TRDN: variants seen among roughly 807,000 people sequenced by gnomAD.
TRDN encodes triadin in skeletal muscle.
A neutral mutation model predicts 149.7 loss-of-function variants in TRDN; 161 were observed. That is an observed-to-expected ratio of 1.08 (90% CI 0.95 to 1.23). The LOEUF (loss-of-function observed/expected upper bound fraction) is 1.23. Among genes scored for constraint, TRDN ranks in the 50% most tolerant of loss-of-function variants. The pLI, the probability that TRDN is intolerant of heterozygous loss-of-function variation, is 0.00. For missense variants in TRDN, 896 were observed against 823.5 expected (o/e 1.09, Z -1.08); for synonymous variants, 294 against 250.5 (o/e 1.17, Z -1.64).
chr6:123,316,904 A>G (rs1779045596), intron 23 of TRDN, among the ~76,000 whole-genome samples: 2 of 151,778 alleles, frequency 1.3e-5, no homozygotes, highest in South Asian at 4.1e-4. Context: ...TGACTACCAT[A>G]CATTTAATTC....
chr6:123,636,546 T>C lies in TRDN; in HGVS notation c.22+208A>G, dbSNP rs146588341. On this transcript the variant is annotated intron_variant, in intron 1 of 40. Coordinates refer to ENST00000334268, the MANE Select transcript of TRDN (RefSeq NM_006073.4). ...CAGAGAACAGTTTCCACATGCAAAA[T>C]TTAAGAGAAATCTCTTTTTGCTCCC... Among the ~76,000 whole-genome samples the C allele has an allele frequency of 8.2e-4, 125 of 151,986 alleles. 1 individual carries two copies. Among genetic ancestry groups the C allele is most frequent in the African/African-American group, 2.8e-3 (118 of 41,510 alleles).
At chr6:123,432,739 C>T (rs1415756829) in intron 12 of TRDN, among the ~76,000 whole-genome samples, 3 of 148,608 alleles carry the variant, frequency 2.0e-5, no homozygotes, top group African/African-American at 7.8e-5. Flanking sequence ...GTCTTCTGCC[C>T]TCGTAAAACA....
chr6:123,546,461 A>G (rs926462372), intron 4 of TRDN, among the ~76,000 whole-genome samples: 1 of 152,072 alleles, frequency 6.6e-6, no homozygotes, highest in Non-Finnish European at 1.5e-5. Flanking sequence ...AATCCACAGT[A>G]GGTATTAGGA....
intron 2 of TRDN, among the ~76,000 whole-genome samples, chr6:123,556,622 C>T (rs1781673836): frequency 6.6e-6 from 1 of 151,032 alleles, no homozygotes; most frequent in Admixed American, 6.6e-5. Context: ...CTTCCTCTTC[C>T]TCCTATTCCT....
chr6:123,483,075 ATTATT>A (rs2114774953), intron 9 of TRDN, among the ~76,000 whole-genome samples: 1 of 77,776 alleles, frequency 1.3e-5, no homozygotes, highest in Admixed American at 1.6e-4. Flanking sequence ...ATTTATTATT[ATTATT>A]ATTATTATTA....
intron 10 of TRDN, among the ~76,000 whole-genome samples, chr6:123,450,809 T>A (rs1440409786): frequency 2.8e-4 from 43 of 152,000 alleles, no homozygotes; most frequent in African/African-American, 1.0e-3. Flanking sequence ...TTCTATTCAA[T>A]AGTGCACGGA....
At chr6:123,586,792 G>A (rs1281786584) in intron 1 of TRDN, among the ~76,000 whole-genome samples, 1 of 151,890 alleles carries the variant, frequency 6.6e-6, no homozygotes, top group Non-Finnish European at 1.5e-5. Flanking sequence ...AAAAGAGAGA[G>A]TAGAGACATG....
intron 24 of TRDN, among the ~76,000 whole-genome samples, chr6:123,303,189 T>G (rs937356647): frequency 1.3e-5 from 2 of 152,118 alleles, no homozygotes; most frequent in East Asian, 3.9e-4. Flanking sequence ...TTCCTCTACA[T>G]CTTTCTGTCT....
At chr6:123,307,601 A>G (rs775915443) in intron 24 of TRDN, among the ~76,000 whole-genome samples, 2 of 151,982 alleles carry the variant, frequency 1.3e-5, no homozygotes, top group Admixed American at 6.6e-5. Flanking sequence ...CTCTCCAAAC[A>G]TTCACAGGAT....
intron 26 of TRDN, 94 bp from the exon 27 acceptor site, chr6:123,274,764 T>C: frequency 6.4e-6 from 8 of 1,253,530 alleles, no homozygotes; most frequent in Non-Finnish European, 7.9e-6. Context: ...GTTATCATAA[T>C]TGGGAGGATG....
chr6:123,455,020 T>G (rs570415719), intron 10 of TRDN, among the ~76,000 whole-genome samples: 1 of 152,278 alleles, frequency 6.6e-6, no homozygotes, highest in Admixed American at 6.5e-5. Context: ...ATATACTCTG[T>G]GAAAAACTTT....
At chr6:123,547,244 T>G in intron 4 of TRDN, 96 bp downstream of exon 4, 1 of 774,632 alleles carries the variant, frequency 1.3e-6, no homozygotes. Context: ...AAACAAAACC[T>G]TTATATTAAA....
At chr6:123,569,664 A>G (rs1181755868) in intron 2 of TRDN, among the ~76,000 whole-genome samples, 2 of 152,186 alleles carry the variant, frequency 1.3e-5, no homozygotes, top group African/African-American at 4.8e-5. Flanking sequence ...ATAATGGTAG[A>G]AGGAGGAGAG....
chr6:123,499,715 A>AT (rs1554249802), intron 8 of TRDN, among the ~76,000 whole-genome samples: 2 of 59,126 alleles, frequency 3.4e-5, no homozygotes, highest in African/African-American at 1.1e-4. Context: ...AAAAAAAAAA[A>AT]AAAAATATAT....
chr6:123,367,517 C>T (rs957191569), intron 19 of TRDN, among the ~76,000 whole-genome samples: 3 of 152,128 alleles, frequency 2.0e-5, no homozygotes, highest in Admixed American at 2.0e-4. Context: ...ATGATAGATG[C>T]CCCAAGAGTC....
At chr6:123,287,187 A>T (rs1156572419) in intron 24 of TRDN, among the ~76,000 whole-genome samples, 1 of 152,190 alleles carries the variant, frequency 6.6e-6, no homozygotes, top group African/African-American at 2.4e-5. Context: ...TCGTATATTC[A>T]GTTAAGATAC....
intron 2 of TRDN, among the ~76,000 whole-genome samples, chr6:123,562,640 A>G (rs1210610250): frequency 2.0e-5 from 3 of 152,236 alleles, no homozygotes; most frequent in African/African-American, 7.2e-5. Context: ...AAAAGAGACT[A>G]AGAGAGTGAG....
chr6:123,302,239 G>A (rs72974613), intron 24 of TRDN, among the ~76,000 whole-genome samples: 2,856 of 151,956 alleles, frequency 0.019, 39 homozygotes, highest in Non-Finnish European at 0.029. Context: ...GATGAGTATC[G>A]ATGCATACTG....
At chr6:123,442,724 A>AT (rs1316491159) in intron 10 of TRDN, among the ~76,000 whole-genome samples, 3 of 152,088 alleles carry the variant, frequency 2.0e-5, no homozygotes, top group Admixed American at 1.3e-4. Flanking sequence ...TTTTTAGGTA[A>AT]TTTTTTAGGT....
Sources: gnomAD v4.1 joint callset for allele counts (sites outside exome capture counted in the v4.1 genomes callset) on GRCh38, gnomAD v4.1.1 for gene constraint, MANE v1.5 for transcripts, NCBI Gene and HGNC (gene_info 2026-07-23, HGNC 2026-07-21) for gene names.